ADAMTS6: variants seen among roughly 807,000 people sequenced by gnomAD.
ADAMTS6 encodes the protein A disintegrin and metalloproteinase with thrombospondin motifs 6.
Under a neutral mutation model 144.3 loss-of-function variants are expected in ADAMTS6, and 23 were observed. The observed-to-expected ratio is 0.16, with a 90% CI of 0.11 to 0.23. ADAMTS6 has a LOEUF of 0.23. Among genes scored for constraint, ADAMTS6 ranks in the 10% least tolerant of loss-of-function variants. ADAMTS6 has a pLI of 1.00. For missense variants in ADAMTS6, 999 were observed against 1,379.6 expected (o/e 0.72, Z 4.37); for synonymous variants, 444 against 457.5 (o/e 0.97, Z 0.38).
chr5:65,241,446 G>C (rs1047420258), intron 15 of ADAMTS6, among the ~76,000 whole-genome samples: 2 of 152,024 alleles, frequency 1.3e-5, no homozygotes, highest in East Asian at 1.9e-4. Context: ...GGCCAGGCTA[G>C]TCTCGAACTC....
At chr5:65,304,539 C>A (rs907274511) in intron 9 of ADAMTS6, among the ~76,000 whole-genome samples, 4 of 152,084 alleles carry the variant, frequency 2.6e-5, no homozygotes, top group Non-Finnish European at 4.4e-5. Context: ...CTCAAGCAGT[C>A]CTCCCACTTC....
At chr5:65,452,290 C>T (rs895774035) in intron 5 of ADAMTS6, 74 bp from the exon 6 acceptor site, 5 of 1,298,862 alleles carry the variant, frequency 3.8e-6, no homozygotes, top group South Asian at 1.3e-5. Context: ...TTTTTAAGTG[C>T]TAAAACAATT....
chr5:65,161,802 G>A (rs928197824), intron 24 of ADAMTS6, among the ~76,000 whole-genome samples: 44 of 152,146 alleles, frequency 2.9e-4, no homozygotes, highest in Admixed American at 1.9e-3. Flanking sequence ...CACAAAACAA[G>A]TTATGACAGA....
intron 15 of ADAMTS6, among the ~76,000 whole-genome samples, chr5:65,235,725 G>A (rs1483419497): frequency 1.3e-5 from 2 of 152,034 alleles, no homozygotes; most frequent in African/African-American, 4.8e-5. Context: ...GCCTGTAGAT[G>A]GCCTATTGTG....
At position 65,271,082 on chromosome 5, in the gene ADAMTS6, A is replaced by T. The variant is rs140040148; in HGVS notation, c.1620+2258T>A. On this transcript the variant is annotated intron_variant, in intron 12 of 24. Transcript: ENST00000381055. ...CTTTCTCTTGTCTGTGATCATTCTTATTTGTGCTTAGAAGTAATTATATTT... is the reference window on the plus strand; with the variant it reads ...CTTTCTCTTGTCTGTGATCATTCTTTTTTGTGCTTAGAAGTAATTATATTT... Among the ~76,000 whole-genome samples, 537 of 152,142 alleles carry T rather than the reference A, an allele frequency of 3.5e-3. 3 individuals carry two copies. Among genetic ancestry groups the T allele is most frequent in the African/African-American group, 0.012 (511 of 41,526 alleles).
chr5:65,200,109 A>G (rs16893506), intron 20 of ADAMTS6, among the ~76,000 whole-genome samples: 9,752 of 152,166 alleles, frequency 0.064, 448 homozygotes, highest in East Asian at 0.16. Context: ...TCAGTAATCT[A>G]TTCCAAATCT....
intron 7 of ADAMTS6, among the ~76,000 whole-genome samples, chr5:65,426,270 G>A (rs1421322810): frequency 6.8e-6 from 1 of 147,262 alleles, no homozygotes; most frequent in African/African-American, 2.5e-5. Flanking sequence ...TGTTGGCCAG[G>A]CTGGTCTCGA....
chr5:65,313,213 G>A (rs868738933), intron 9 of ADAMTS6, among the ~76,000 whole-genome samples: 11 of 149,938 alleles, frequency 7.3e-5, no homozygotes, highest in African/African-American at 1.7e-4. Context: ...ACTTAATGCA[G>A]TAACCAGCAG....
At chr5:65,256,312 C>A (rs896898150) in intron 14 of ADAMTS6, 1 of 152,160 alleles carries the variant, frequency 6.6e-6, no homozygotes, top group Non-Finnish European at 1.5e-5. Context: ...TTCTATTAGA[C>A]AGTGCTAGTG....
intron 12 of ADAMTS6, among the ~76,000 whole-genome samples, chr5:65,268,123 C>A (rs1761765920): frequency 6.6e-6 from 1 of 152,148 alleles, no homozygotes. Context: ...ATATCCAGTG[C>A]TTTAGAAGGG....
intron 12 of ADAMTS6, among the ~76,000 whole-genome samples, chr5:65,268,048 C>T (rs185547330): frequency 5.9e-5 from 9 of 152,264 alleles, no homozygotes; most frequent in Admixed American, 3.9e-4. Context: ...GTTTGGGAAC[C>T]AGTCAAAACA....
In ADAMTS6 at chr5:65,213,334, T is replaced by C. The variant is rs1580075283; in HGVS notation, c.2575+1460A>G. Among the ~76,000 whole-genome samples, 3 of 152,336 alleles carry C rather than the reference T, an allele frequency of 2.0e-5. No homozygotes were observed. The South Asian group carries it at 6.2e-4, about 32-fold the overall frequency. The stretch of plus-strand genomic sequence containing the variant: ...TTGTAGTTAATCATTGCTTTAATTC[T>C]GTATGAGACTAAAAATACTGAATTA... On this transcript the variant is annotated intron_variant, in intron 20 of 24. Coordinates refer to ENST00000381055, the MANE Select transcript of ADAMTS6 (RefSeq NM_197941.4).
intron 9 of ADAMTS6, among the ~76,000 whole-genome samples, chr5:65,325,532 C>A (rs985002504): frequency 4.6e-5 from 7 of 150,918 alleles, no homozygotes; most frequent in Non-Finnish European, 1.0e-4. Context: ...GCCTGTCACC[C>A]AGAATGGAGT....
intron 14 of ADAMTS6, among the ~76,000 whole-genome samples, chr5:65,250,257 G>C (rs1380891186): frequency 2.0e-5 from 3 of 152,126 alleles, no homozygotes; most frequent in Non-Finnish European, 2.9e-5. Context: ...TTATATAAGA[G>C]TCAACAGAAA....
At chr5:65,216,161 A>C (rs952612195) in intron 18 of ADAMTS6, among the ~76,000 whole-genome samples, 10 of 152,218 alleles carry the variant, frequency 6.6e-5, no homozygotes, top group Non-Finnish European at 1.5e-4. Flanking sequence ...CACTATTTCC[A>C]GTAGCACCAA....
At chr5:65,455,010 A>G (rs758822333) in intron 4 of ADAMTS6, among the ~76,000 whole-genome samples, 11 of 152,218 alleles carry the variant, frequency 7.2e-5, no homozygotes, top group Non-Finnish European at 1.5e-4. Flanking sequence ...CCACATCAAT[A>G]TAACTCCAAT....
Position 65,288,286 on chromosome 5 carries a change from TTTTTTTC to T in ADAMTS6, c.1512+3036_1512+3042del, listed in dbSNP as rs1042283349. On this transcript the variant is annotated intron_variant, in intron 11 of 24. Transcript: ENST00000381055. Reference sequence around the variant, plus strand: ...CAGTATAGATCCTTCGGTAGTTCTTTTTTTTTCTTTTTTCTTTTTTTCTTTTCTTTTC... The same window carrying T: ...CAGTATAGATCCTTCGGTAGTTCTTTTTTTTTCTTTTTTTCTTTTCTTTTC... Among the ~76,000 whole-genome samples the T allele has an allele frequency of 1.2e-4, 18 of 151,018 alleles. No homozygotes were observed. The South Asian group carries it at 2.1e-3, about 18-fold the overall frequency.
In ADAMTS6 at chr5:65,369,748, A is replaced by G. The variant is rs59261820; in HGVS notation, c.1074-35663T>C. ...TTAAGTACTATACATTGGGTATATT[A>G]TTAGCAACCTATATGAATATGAGCT... is the stretch of plus-strand genomic sequence containing the variant. On this transcript the variant is annotated intron_variant, in intron 7 of 24. Transcript: ENST00000381055. 3.0e-3 allele frequency among the ~76,000 whole-genome samples: 464 copies of G among 152,294 alleles called. 1 individual carries two copies. The highest frequency in any genetic ancestry group is 0.011 in the African/African-American group (437 of 41,572).
chr5:65,191,266 GT>G (rs1755003288), intron 21 of ADAMTS6, among the ~76,000 whole-genome samples: 1 of 152,034 alleles, frequency 6.6e-6, no homozygotes. Context: ...CTGACCTACA[GT>G]CCCGATCTCT....
Sources: gnomAD v4.1 joint callset for allele counts (sites outside exome capture counted in the v4.1 genomes callset) on GRCh38, gnomAD v4.1.1 for gene constraint, MANE v1.5 for transcripts, NCBI Gene and HGNC (gene_info 2026-07-23, HGNC 2026-07-21) for gene names.